Variants in JARID2 observed in about 807,000 individuals in gnomAD.
JARID2 encodes protein Jumonji.
In JARID2, 21 loss-of-function variants were observed where a neutral mutation model predicts 125.6. That is an observed-to-expected ratio of 0.17 (90% CI 0.12 to 0.24). The LOEUF (loss-of-function observed/expected upper bound fraction) is 0.24, where lower values mean the gene tolerates loss of function less well. JARID2 is among the 10% of genes least tolerant of loss of function. The pLI is 1.00. For missense variants in JARID2, 1,303 were observed against 1,639.6 expected (o/e 0.79, Z 3.55); for synonymous variants, 736 against 661.6 (o/e 1.11, Z -1.73).
intron 2 of JARID2, among the ~76,000 whole-genome samples, chr6:15,381,360 A>G (rs1764580708): frequency 6.6e-6 from 1 of 151,532 alleles, no homozygotes; most frequent in Non-Finnish European, 1.5e-5. Context: ...AAAAAAAAAA[A>G]AAAGTGGCTT....
At position 15,315,897 on chromosome 6, in the gene JARID2, T is replaced by A. The variant is rs149352652; in HGVS notation, c.46-58220T>A. On this transcript the variant is annotated intron_variant, in intron 1 of 17. Coordinates refer to ENST00000341776, the MANE Select transcript of JARID2 (RefSeq NM_004973.4). ...GAGTTTCTCAGGGCTCCCAAATTTATGGAAGAAGTAAGTGATGACTTCCAA... is the reference window on the plus strand; with the variant it reads ...GAGTTTCTCAGGGCTCCCAAATTTAAGGAAGAAGTAAGTGATGACTTCCAA... 9.2e-5 allele frequency among the ~76,000 whole-genome samples: 14 copies of A among 152,314 alleles called. No homozygotes were observed. The East Asian group carries it at 2.5e-3, about 27-fold the overall frequency.
chr6:15,415,508 G>C (rs1766116610), intron 3 of JARID2, among the ~76,000 whole-genome samples: 1 of 128,374 alleles, frequency 7.8e-6, no homozygotes, highest in Non-Finnish European at 1.8e-5. Context: ...TCACTTCCCA[G>C]TAGGGGCTGC....
intron 8 of JARID2, among the ~76,000 whole-genome samples, chr6:15,501,758 G>A (rs533500126): frequency 2.6e-5 from 4 of 152,242 alleles, no homozygotes; most frequent in South Asian, 2.1e-4. Context: ...AGTCCATTCC[G>A]CCTGCCTAGG....
chr6:15,283,072 G>A (rs1272822065), intron 1 of JARID2, among the ~76,000 whole-genome samples: 12 of 151,204 alleles, frequency 7.9e-5, no homozygotes, highest in Non-Finnish European at 1.3e-4. Context: ...TCTGCCTCCC[G>A]GGTTCTTGCC....
chr6:15,382,493 T>C (rs1445961422), intron 2 of JARID2, among the ~76,000 whole-genome samples: 1 of 152,184 alleles, frequency 6.6e-6, no homozygotes, highest in South Asian at 2.1e-4. Flanking sequence ...GACAAATGGC[T>C]GCAATGGCCG....
intron 5 of JARID2, among the ~76,000 whole-genome samples, chr6:15,486,681 T>A (rs1435430304): frequency 1.3e-5 from 2 of 152,212 alleles, no homozygotes; most frequent in Non-Finnish European, 2.9e-5. Context: ...TGGCTCAAAG[T>A]TCCATCATCC....
intron 11 of JARID2, among the ~76,000 whole-genome samples, chr6:15,507,637 C>T (rs1425545422): frequency 3.9e-5 from 6 of 152,212 alleles, no homozygotes; most frequent in African/African-American, 1.4e-4. Flanking sequence ...ATGGCAGAGT[C>T]TGGAGCTGGG....
intron 2 of JARID2, among the ~76,000 whole-genome samples, chr6:15,406,118 T>TG (rs1470552055): frequency 6.6e-6 from 1 of 152,308 alleles, no homozygotes; most frequent in East Asian, 1.9e-4. Flanking sequence ...AAGTCAGTCT[T>TG]GCGCCTTCGT....
intron 12 of JARID2, among the ~76,000 whole-genome samples, chr6:15,509,937 GA>G (rs1336763372): frequency 5.3e-5 from 8 of 152,186 alleles, no homozygotes; most frequent in Non-Finnish European, 1.2e-4. Context: ...ATTTAGGTTA[GA>G]AACCCTGTAT....
In JARID2 at chr6:15,496,230, T is replaced by C. The variant is rs754657750; in HGVS notation, c.1005T>C (p.Thr335=). 2 of 1,614,132 alleles carry C rather than the reference T, an allele frequency of 1.2e-6. No homozygotes were observed. Among genetic ancestry groups the C allele is most frequent in the Admixed American group, 1.7e-5 (1 of 60,020 alleles). Residue 335 remains threonine (T), a synonymous_variant, in exon 7 of 18, where the codon ACT becomes ACC. Coordinates refer to ENST00000341776, the MANE Select transcript of JARID2 (RefSeq NM_004973.4). ...MREVRPSPSK[T]VKYTATVTKG... is the part of the protein sequence containing the mutation. ...AGGTCAGACCTTCACCATCCAAAAC[T>C]GTGAAGTACACTGCCACGGTGACGA... is the stretch of plus-strand genomic sequence containing the variant.
intron 3 of JARID2, among the ~76,000 whole-genome samples, chr6:15,412,720 C>CCACTACT (rs1429210755): frequency 6.6e-6 from 1 of 152,080 alleles, no homozygotes; most frequent in Non-Finnish European, 1.5e-5. Flanking sequence ...GGGTATGAAC[C>CCACTACT]CTGCCTTCAA....
intron 1 of JARID2, among the ~76,000 whole-genome samples, chr6:15,323,585 A>AG (rs1321005547): frequency 6.6e-6 from 1 of 152,212 alleles, no homozygotes; most frequent in Non-Finnish European, 1.5e-5. Flanking sequence ...AAGACTTTTT[A>AG]GGGGACACAA....
At chr6:15,424,690 T>C (rs2127592285) in intron 3 of JARID2, among the ~76,000 whole-genome samples, 1 of 152,196 alleles carries the variant, frequency 6.6e-6, no homozygotes, top group East Asian at 1.9e-4. Context: ...AACCCCTGCC[T>C]CCACTAAAAA....
chr6:15,460,262 A>G (rs1424587129), intron 4 of JARID2, among the ~76,000 whole-genome samples: 3 of 152,208 alleles, frequency 2.0e-5, no homozygotes, highest in Non-Finnish European at 4.4e-5. Flanking sequence ...GATGTTATTA[A>G]TAAGACTGTA....
chr6:15,474,924 C>T lies in JARID2; in HGVS notation c.670+6206C>T, dbSNP rs190738619. 3.9e-3 allele frequency among the ~76,000 whole-genome samples: 592 copies of T among 152,354 alleles called. 4 individuals are homozygous for T. The highest frequency in any genetic ancestry group is 0.02 in the Middle Eastern group (6 of 294). On this transcript the variant is annotated intron_variant, in intron 5 of 17. Coordinates refer to ENST00000341776, the MANE Select transcript of JARID2 (RefSeq NM_004973.4). The stretch of plus-strand genomic sequence containing the variant: ...GAAAACTGGTGTACTGTTGCATCCT[C>T]CAAGCAAAGGCTGAGTTGCTGAAAG...
At chr6:15,313,079 A>G (rs1401211262) in intron 1 of JARID2, among the ~76,000 whole-genome samples, 2 of 152,238 alleles carry the variant, frequency 1.3e-5, no homozygotes, top group South Asian at 2.1e-4. Context: ...TTTTTAAACA[A>G]TCTTCTTGGA....
Position 15,500,708 on chromosome 6 carries a change from G to A in JARID2, c.1946-199G>A, listed in dbSNP as rs573276132. 2.3e-4 allele frequency among the ~76,000 whole-genome samples: 35 copies of A among 152,098 alleles called. No homozygotes were observed. In the South Asian group the frequency reaches 4.4e-3, roughly 19 times the overall value. On this transcript the variant is annotated intron_variant, in intron 7 of 17. Coordinates refer to ENST00000341776, the MANE Select transcript of JARID2 (RefSeq NM_004973.4). ...TAGTCCCTCGTTCCACCTGCTCTTC[G>A]TAGCAAGTGGTCATGACCCATCATT... is the stretch of plus-strand genomic sequence containing the variant.
At chr6:15,272,720 A>G (rs1561760459) in intron 1 of JARID2, among the ~76,000 whole-genome samples, 1 of 152,214 alleles carries the variant, frequency 6.6e-6, no homozygotes, top group African/African-American at 2.4e-5. Flanking sequence ...TTATGCAGCC[A>G]TAGTCCTGGG....
chr6:15,321,565 T>G (rs565398675), intron 1 of JARID2, among the ~76,000 whole-genome samples: 23 of 152,276 alleles, frequency 1.5e-4, no homozygotes, highest in African/African-American at 5.3e-4. Context: ...AGACTGACTG[T>G]CAGGGGGTTT....
Sources: gnomAD v4.1 joint callset for allele counts (sites outside exome capture counted in the v4.1 genomes callset) on GRCh38, gnomAD v4.1.1 for gene constraint, MANE v1.5 for transcripts, NCBI Gene and HGNC (gene_info 2026-07-23, HGNC 2026-07-21) for gene names.